B4GALT6: variants seen among roughly 807,000 people sequenced by gnomAD.
The protein encoded by B4GALT6 is beta-1,4-galactosyltransferase 6.
A neutral mutation model predicts 46.3 loss-of-function variants in B4GALT6; 14 were observed. The ratio of observed to expected loss-of-function variants is 0.30; its 90% CI spans 0.20 to 0.47. The LOEUF (loss-of-function observed/expected upper bound fraction) is 0.47. Among genes scored for constraint, B4GALT6 ranks in the 20% least tolerant of loss-of-function variants. The probability of loss-of-function intolerance (pLI) is 0.99; values close to 1 mark genes in which losing one functional copy is unlikely to be tolerated. For synonymous variants in B4GALT6, 168 were observed against 162.0 expected (o/e 1.04, Z -0.28); for missense variants, 386 against 480.1 (o/e 0.80, Z 1.83).
In B4GALT6 at chr18:31,630,910, G is replaced by C. The variant is rs759124163; in HGVS notation, c.776+49C>G. ...AACGCTGCTACCATTTCAATGCTAT[G>C]ACTGTGCAATTATATCGTACAATAT... is the stretch of plus-strand genomic sequence containing the variant. On this transcript the variant is annotated intron_variant, in intron 6 of 8. Coordinates refer to ENST00000306851, the MANE Select transcript of B4GALT6 (RefSeq NM_004775.5). 25 of 1,577,592 alleles carry C rather than the reference G, an allele frequency of 1.6e-5. No homozygotes were observed. In the Admixed American group the frequency reaches 2.5e-4, roughly 16 times the overall value.
chr18:31,640,145 A>G (rs2073911683), intron 4 of B4GALT6, among the ~76,000 whole-genome samples: 1 of 152,160 alleles, frequency 6.6e-6, no homozygotes, highest in Non-Finnish European at 1.5e-5. Flanking sequence ...GTTACTCTAT[A>G]ATCTGGATTT....
chr18:31,653,826 G>T (rs1390935574), intron 3 of B4GALT6, among the ~76,000 whole-genome samples: 2 of 152,048 alleles, frequency 1.3e-5, no homozygotes, highest in Non-Finnish European at 2.9e-5. Context: ...GTTCAGTCTT[G>T]TCTCTCCCGT....
intron 4 of B4GALT6, among the ~76,000 whole-genome samples, chr18:31,641,267 G>GT (rs900624609): frequency 9.2e-5 from 14 of 152,162 alleles, no homozygotes; most frequent in Non-Finnish European, 1.8e-4. Flanking sequence ...AATATCAAGT[G>GT]TTTTTTCTTT....
In B4GALT6 at chr18:31,638,727, C is replaced by A; in HGVS notation, c.505G>T (p.Glu169Ter). Residue 169 changes from glutamate to a stop codon, truncating the protein, a stop_gained, in exon 5 of 9, where the codon GAA becomes TAA. Transcript: ENST00000306851. LOFTEE classifies it high-confidence loss of function. ...AVLIPFRNRHEHLPIFFLHLI... is the reference protein window; with the variant it reads ...AVLIPFRNRH ...TGTAAGAAAAAAATTGGAAGATGTT[C>A]ATGGCGATTACGGAAAGGAATGAGA... The A allele has an allele frequency of 1.2e-6, 2 of 1,614,062 alleles. No individual in the cohort carries two copies. The highest frequency in any genetic ancestry group is 1.1e-5 in the South Asian group (1 of 91,068).
chr18:31,671,522 T>A (rs1222420415), intron 1 of B4GALT6, among the ~76,000 whole-genome samples: 1 of 152,226 alleles, frequency 6.6e-6, no homozygotes, highest in African/African-American at 2.4e-5. Context: ...TTTTCATATG[T>A]CTGTTGGCTG....
intron 8 of B4GALT6, 119 bp from the exon 9 acceptor site, chr18:31,625,880 G>C: frequency 1.3e-6 from 1 of 791,118 alleles, no homozygotes; most frequent in South Asian, 3.1e-5. Flanking sequence ...TACAATTTCT[G>C]GTTCTTGTGC....
At chr18:31,724,005 C>A in the B4GALT6 span, among the ~76,000 whole-genome samples, 8 of 152,048 alleles carry the variant, frequency 5.3e-5, no homozygotes, top group African/African-American at 1.9e-4. Context: ...GACCGCAGAC[C>A]CCGCGGCCCA....
chr18:31,622,715 T>C lies in B4GALT6; in HGVS notation c.*2899A>G, dbSNP rs1275989287. 6.6e-6 allele frequency: 1 copy of C among 151,876 alleles called. No homozygotes were observed. The highest frequency in any genetic ancestry group is 1.5e-5 in the Non-Finnish European group (1 of 67,934). The allele number at this position is 151,876 out of a possible 1,614,324, so 9.4% of individuals were successfully genotyped here. On this transcript the variant is annotated 3_prime_UTR_variant, in exon 9 of 9. Transcript: ENST00000306851. ...ACTTAATATTATAAAGTTTTCTTAC[T>C]GAATAACTTTTCACAAAAACAAAAA...
chr18:31,694,086 C>T, the B4GALT6 span, among the ~76,000 whole-genome samples: 1 of 152,204 alleles, frequency 6.6e-6, no homozygotes, highest in Non-Finnish European at 1.5e-5. Context: ...ATTATAATCA[C>T]TTATCTTAAA....
intron 1 of B4GALT6, among the ~76,000 whole-genome samples, chr18:31,676,568 C>G (rs2074417288): frequency 6.6e-6 from 1 of 152,160 alleles, no homozygotes; most frequent in South Asian, 2.1e-4. Flanking sequence ...AATAATGTAT[C>G]CGTCCATTTC....
the B4GALT6 span, among the ~76,000 whole-genome samples, chr18:31,701,202 C>T: frequency 6.6e-6 from 1 of 152,114 alleles, no homozygotes; most frequent in African/African-American, 2.4e-5. Flanking sequence ...TGATTTAACA[C>T]CATCTCCTTG....
chr18:31,666,285 G>C lies in B4GALT6; in HGVS notation c.203C>G (p.Thr68Arg). The change falls in exon 2 of 9, where the codon ACA (threonine) becomes AGA (arginine). Residue 68 changes from threonine (T) to arginine (R), a missense_variant. Thr to Arg is a moderately conservative substitution (Grantham distance 71). Around this residue, in one of 2 missense-constraint regions of B4GALT6, gnomAD observed 323 missense variants for 438.9 expected, o/e 0.74. Coordinates refer to ENST00000306851, the MANE Select transcript of B4GALT6 (RefSeq NM_004775.5). Reference protein sequence around the residue: ...KTIGHMIRLYTNKNSTLNGTD... With the variant: ...KTIGHMIRLYRNKNSTLNGTD... ...ACCGTTGAGCGTACTGTTTTTATTTGTGTACAGCCTGATCATATGACCTAT... is the reference window on the plus strand; with the variant it reads ...ACCGTTGAGCGTACTGTTTTTATTTCTGTACAGCCTGATCATATGACCTAT... The C allele has an allele frequency of 6.2e-7, 1 of 1,606,368 alleles. No individual in the cohort carries two copies. The highest frequency in any genetic ancestry group is 8.5e-7 in the Non-Finnish European group (1 of 1,175,470).
At chr18:31,684,864 G>C, upstream of B4GALT6, 1 of 761,536 alleles carries the variant, frequency 1.3e-6, no homozygotes, top group South Asian at 5.9e-5. Context: ...CGCTGCCCGC[G>C]CCCGGCGGGG....
In B4GALT6 at chr18:31,684,507, A is replaced by C. The variant is rs981037219; in HGVS notation, c.-81T>G. ...CTGTCCAGGCCCTAAACTTCCATAA[A>C]TGTGCTGAGAACCCCGAGACTGCAG... is the stretch of plus-strand genomic sequence containing the variant. On this transcript the variant is annotated 5_prime_UTR_variant, in exon 1 of 9. Transcript: ENST00000306851. 22 of 1,549,872 alleles carry C rather than the reference A, an allele frequency of 1.4e-5. No individual in the cohort carries two copies. The highest frequency in any genetic ancestry group is 1.9e-5 in the Non-Finnish European group (22 of 1,148,264).
At chr18:31,686,782 G>T (rs1316455430), upstream of B4GALT6, 1 of 152,204 alleles carries the variant, frequency 6.6e-6, no homozygotes. Flanking sequence ...CAAAAATTGT[G>T]ATTTTCCCCT....
At position 31,646,031 on chromosome 18, in the gene B4GALT6, A is replaced by T. The variant is rs1018719780; in HGVS notation, c.347-552T>A. On this transcript the variant is annotated intron_variant, in intron 3 of 8. Transcript: ENST00000306851. ...CAAGGTGGTTGTATCCATTCCAAGA[A>T]ATCATCTGTGTGAAGGATCATATGC... 2.0e-5 allele frequency among the ~76,000 whole-genome samples: 3 copies of T among 152,192 alleles called. No homozygotes were observed. The South Asian group carries it at 6.2e-4, about 31-fold the overall frequency.
At chr18:31,673,849 G>C (rs1239290573) in intron 1 of B4GALT6, among the ~76,000 whole-genome samples, 2 of 152,028 alleles carry the variant, frequency 1.3e-5, no homozygotes, top group African/African-American at 4.8e-5. Flanking sequence ...GATCATCCTG[G>C]ATTACCCAGG....
At chr18:31,664,942 CAAG>C (rs1320976648) in intron 2 of B4GALT6, among the ~76,000 whole-genome samples, 1 of 152,070 alleles carries the variant, frequency 6.6e-6, no homozygotes, top group Non-Finnish European at 1.5e-5. Context: ...TAAAATAAAA[CAAG>C]AGTGTTTTGA....
chr18:31,661,415 C>A (rs1450828335), intron 2 of B4GALT6, among the ~76,000 whole-genome samples: 1 of 152,120 alleles, frequency 6.6e-6, no homozygotes, highest in Non-Finnish European at 1.5e-5. Flanking sequence ...TTACATTATA[C>A]CCTTTTCTAC....
Sources: allele counts gnomAD v4.1 joint callset (sites outside exome capture counted in the v4.1 genomes callset), GRCh38; gene constraint gnomAD v4.1.1; regional missense constraint gnomAD v4.1.1; transcripts MANE v1.5; gene names NCBI Gene and HGNC (gene_info 2026-07-23, HGNC 2026-07-21).